The following ETNPPL variants were observed in gnomAD, a reference collection of about 807,000 sequenced individuals.
The protein encoded by ETNPPL is ethanolamine-phosphate phospho-lyase, also known as alanine--glyoxylate aminotransferase 2-like 1.
Under a neutral mutation model 55.5 loss-of-function variants are expected in ETNPPL, and 30 were observed. The observed-to-expected ratio is 0.54, with a 90% CI of 0.40 to 0.73. The LOEUF is 0.73. Ranked by LOEUF, ETNPPL falls within the 30% of genes least tolerant of loss-of-function variation. The pLI is 0.00. For missense variants in ETNPPL, 528 were observed against 607.9 expected, an observed-to-expected ratio of 0.87 and a Z score of 1.38; for synonymous variants, 202 against 207.2, an observed-to-expected ratio of 0.98 and a Z score of 0.21.
intron 3 of ETNPPL, among the ~76,000 whole-genome samples, chr4:108,758,863 C>T (rs2125681851): frequency 6.6e-6 from 1 of 152,242 alleles, no homozygotes; most frequent in African/African-American, 2.4e-5. Context: ...CCATCCTGAC[C>T]AACATGGAGA....
chr4:108,749,135 T>C, intron 8 of ETNPPL, 103 bp downstream of exon 8: 1 of 797,682 alleles, frequency 1.3e-6, no homozygotes, highest in Non-Finnish European at 2.0e-6. Flanking sequence ...TTCTGGGTGG[T>C]TAGCCGGCAA....
Position 108,756,486 on chromosome 4 carries a change from T to C in ETNPPL, c.342A>G (p.Glu114=), listed in dbSNP as rs1729203380. The part of the protein sequence containing the change: ...SVCYFTNSGS[E]ANDLALRLAR... The stretch of plus-strand genomic sequence containing the variant: ...CCAGGCGTAAGGCTAAGTCGTTGGC[T>C]TCGGATCTATTAAGATAACATAGAG... The change falls in exon 4 of 13, where the codon GAA becomes GAG. Residue 114 remains glutamate (E), a synonymous_variant. Transcript: ENST00000296486. The C allele has an allele frequency of 1.9e-6, 3 of 1,613,072 alleles. No individual in the cohort carries two copies. The highest frequency in any genetic ancestry group is 2.7e-5 in the African/African-American group (2 of 75,044).
chr4:108,759,654 GACAA>G, intron 3 of ETNPPL, 91 bp downstream of exon 3: 1 of 1,310,312 alleles, frequency 7.6e-7, no homozygotes, highest in African/African-American at 1.5e-5. Flanking sequence ...AACCCTTTTG[GACAA>G]GCTCCACCAT....
At chr4:108,749,076 G>A (rs1247235294) in intron 8 of ETNPPL, among the ~76,000 whole-genome samples, 162 bp downstream of exon 8, 1 of 151,700 alleles carries the variant, frequency 6.6e-6, no homozygotes, top group Non-Finnish European at 1.5e-5. Context: ...ATATATATAT[G>A]TAAGTATTTA....
intron 3 of ETNPPL, among the ~76,000 whole-genome samples, chr4:108,757,942 C>T (rs1478389090): frequency 6.6e-6 from 1 of 151,522 alleles, no homozygotes; most frequent in African/African-American, 2.4e-5. Context: ...AAGTGAATCA[C>T]AGAGAGTCAT....
Position 108,748,011 on chromosome 4 carries a change from T to A in ETNPPL, c.1076A>T (p.Asp359Val). Residue 359 changes from aspartate (D) to valine (V), a missense_variant, in exon 9 of 13, where the codon GAT becomes GTT. Coordinates refer to ENST00000296486, the MANE Select transcript of ETNPPL (RefSeq NM_031279.4). Reference sequence around the variant, plus strand: ...AACTTCATAATGAACATACCTAATATCTCCTATCAAAGTGTGTTTAGCCTT... The same window carrying A: ...AACTTCATAATGAACATACCTAATAACTCCTATCAAAGTGTGTTTAGCCTT... ...KQKAKHTLIG[D>V]IRGIGLFIGI... 6.2e-7 allele frequency: 1 copy of A among 1,607,920 alleles called. No individual in the cohort carries two copies. The highest frequency in any genetic ancestry group is 1.7e-5 in the Admixed American group (1 of 58,728).
chr4:108,759,568 G>A (rs1317431500), intron 3 of ETNPPL, among the ~76,000 whole-genome samples, 181 bp downstream of exon 3: 2 of 152,082 alleles, frequency 1.3e-5, no homozygotes, highest in African/African-American at 4.8e-5. Context: ...ATTCACAGTC[G>A]TAGAATAAAG....
chr4:108,750,724 A>AC (rs1728870398), intron 7 of ETNPPL, among the ~76,000 whole-genome samples: 1 of 149,910 alleles, frequency 6.7e-6, no homozygotes, highest in Admixed American at 6.7e-5. Context: ...AGAGTTCTGA[A>AC]CCCCCGCTGT....
intron 12 of ETNPPL, 87 bp downstream of exon 12, chr4:108,743,702 C>A (rs530438799): frequency 1.8e-5 from 18 of 979,712 alleles, no homozygotes. Flanking sequence ...ATGGTCACTG[C>A]ACAATTTTTT....
rs1224819503 is a variant in ETNPPL at position 108,748,033 on chromosome 4, C to T, written c.1054G>A (p.Ala352Thr). 3 of 1,610,434 alleles carry T rather than the reference C, an allele frequency of 1.9e-6. No individual in the cohort carries two copies. The highest frequency in any genetic ancestry group is 1.1e-5 in the South Asian group (1 of 90,112). ...YLTELLKKQK[A>T]KHTLIGDIRG... is the part of the protein sequence containing the mutation. ...ATATCTCCTATCAAAGTGTGTTTAG[C>T]CTTCTGTTTTTTCAGTAACTCAGTG... Residue 352 changes from alanine to threonine, a missense_variant, in exon 9 of 13, where the codon GCT becomes ACT. By Grantham distance (58) the Ala-to-Thr change is moderately conservative. Transcript: ENST00000296486.
chr4:108,754,730 A>C lies in ETNPPL; in HGVS notation c.411-20T>G, dbSNP rs1446138294. The C allele has an allele frequency of 7.4e-7, 1 of 1,345,302 alleles. No individual in the cohort carries two copies. The highest frequency in any genetic ancestry group is 1.8e-5 in the Admixed American group (1 of 54,136). 83.3% of individuals were successfully genotyped at this position (1,345,302 alleles called of 1,614,324 possible). On this transcript the variant is annotated intron_variant, in intron 4 of 12. Coordinates refer to ENST00000296486, the MANE Select transcript of ETNPPL (RefSeq NM_031279.4). Reference sequence around the variant, plus strand: ...TAAGCACTGAAGAGACAAAGAAAAAAAAGCAGTAATCAAAATAATTCCAAG... The same window carrying C: ...TAAGCACTGAAGAGACAAAGAAAAACAAGCAGTAATCAAAATAATTCCAAG...
Position 108,755,111 on chromosome 4 carries a change from A to T in ETNPPL, c.411-401T>A, listed in dbSNP as rs147014089. Among the ~76,000 whole-genome samples the T allele has an allele frequency of 2.4e-3, 363 of 152,340 alleles. 2 individuals carry two copies. Among genetic ancestry groups the T allele is most frequent in the African/African-American group, 8.5e-3 (355 of 41,578 alleles). ...ATATGTGTTACATTCTAGTAAATTT[A>T]AAAACAACTTTATATCATAGAATGG... is the stretch of plus-strand genomic sequence containing the variant. On this transcript the variant is annotated intron_variant, in intron 4 of 12. Coordinates refer to ENST00000296486, the MANE Select transcript of ETNPPL (RefSeq NM_031279.4).
intron 3 of ETNPPL, among the ~76,000 whole-genome samples, chr4:108,758,636 C>T (rs905343278): frequency 2.0e-5 from 3 of 152,132 alleles, no homozygotes; most frequent in East Asian, 1.9e-4. Flanking sequence ...TGAGGCAGCC[C>T]GAGGTGCCTG....
chr4:108,745,357 G>A (rs1728420623), intron 11 of ETNPPL, among the ~76,000 whole-genome samples: 1 of 152,134 alleles, frequency 6.6e-6, no homozygotes. Flanking sequence ...AGCACTTTGG[G>A]AGGCTGAGGT....
At chr4:108,753,973 C>CT (rs1213568977) in intron 5 of ETNPPL, among the ~76,000 whole-genome samples, 4,912 of 122,740 alleles carry the variant, frequency 0.04, 164 homozygotes, top group Non-Finnish European at 0.049. Flanking sequence ...TTTTTCTTTT[C>CT]TTTTTTTTTT....
chr4:108,761,689 T>C (rs1040361528), intron 1 of ETNPPL, among the ~76,000 whole-genome samples: 5 of 152,230 alleles, frequency 3.3e-5, no homozygotes, highest in African/African-American at 1.2e-4. Flanking sequence ...TAACTAAGAT[T>C]GAAAACTAAC....
chr4:108,760,767 G>T (rs1729477177), intron 1 of ETNPPL, among the ~76,000 whole-genome samples: 1 of 152,128 alleles, frequency 6.6e-6, no homozygotes, highest in African/African-American at 2.4e-5. Context: ...TTATAGGTGA[G>T]GAGACCAAGG....
At chr4:108,760,620 A>G (rs1489931171) in intron 1 of ETNPPL, among the ~76,000 whole-genome samples, 1 of 152,228 alleles carries the variant, frequency 6.6e-6, no homozygotes, top group Non-Finnish European at 1.5e-5. Flanking sequence ...TTCCTTTGAG[A>G]AATTTTGTTC....
At chr4:108,743,373 T>C (rs1728309719) in intron 12 of ETNPPL, among the ~76,000 whole-genome samples, 1 of 152,202 alleles carries the variant, frequency 6.6e-6, no homozygotes, top group South Asian at 2.1e-4. Flanking sequence ...TAGTTCGTTT[T>C]AGAACCAAAC....
Sources: gnomAD v4.1 joint callset for allele counts (sites outside exome capture counted in the v4.1 genomes callset) on GRCh38, gnomAD v4.1.1 for gene constraint, MANE v1.5 for transcripts, NCBI Gene and HGNC (gene_info 2026-07-23, HGNC 2026-07-21) for gene names.